The following ZNF254 variants were observed in gnomAD, a reference collection of about 807,000 sequenced individuals.
The protein encoded by ZNF254 is zinc finger protein 254.
In ZNF254, 10 loss-of-function variants were observed where a neutral mutation model predicts 12.4. The observed-to-expected ratio is 0.80, with a 90% CI of 0.50 to 1.36. The LOEUF (loss-of-function observed/expected upper bound fraction) is 1.36, where lower values mean the gene tolerates loss of function less well. ZNF254 is among the 40% of genes most tolerant of loss of function. ZNF254 has a pLI of 0.00. For synonymous variants in ZNF254, 305 were observed against 253.4 expected, an observed-to-expected ratio of 1.20 and a Z score of -1.93; for missense variants, 996 against 763.9, an observed-to-expected ratio of 1.30 and a Z score of -3.58.
chr19:24,115,117 C>G (rs1291139881), intron 3 of ZNF254, among the ~76,000 whole-genome samples: 1 of 152,122 alleles, frequency 6.6e-6, no homozygotes, highest in East Asian at 1.9e-4. Flanking sequence ...GTCAGTGTGG[C>G]GATTCCTCAG....
intron 1 of ZNF254, among the ~76,000 whole-genome samples, chr19:24,034,141 G>T (rs1969868937): frequency 6.6e-6 from 1 of 152,148 alleles, no homozygotes; most frequent in Non-Finnish European, 1.5e-5. Context: ...ATTTCTAGTA[G>T]AGAAGTGGTT....
At chr19:24,118,250 C>T (rs924567181) in intron 3 of ZNF254, among the ~76,000 whole-genome samples, 28 of 152,044 alleles carry the variant, frequency 1.8e-4, no homozygotes, top group African/African-American at 6.5e-4. Context: ...GATGGGGTTT[C>T]ACCATGTTGA....
chr19:24,050,269 C>T (rs1236078829), intron 2 of ZNF254, among the ~76,000 whole-genome samples: 5 of 152,098 alleles, frequency 3.3e-5, no homozygotes, highest in East Asian at 1.9e-4. Flanking sequence ...AAGTGATTCT[C>T]CTGCCTCAGC....
intron 1 of ZNF254, among the ~76,000 whole-genome samples, chr19:24,096,611 G>C (rs1049318253): frequency 1.3e-5 from 2 of 152,130 alleles, no homozygotes; most frequent in Non-Finnish European, 2.9e-5. Context: ...GTGCCACATG[G>C]TGATGAGAAC....
rs182445854 is a variant in ZNF254 at position 24,117,386 on chromosome 19, G to A, written c.254-8868G>A. ...CCGGCTGCTTTGTTTACCTAAGGAAGCCTGGGCAATGGCGGGTGCCCCTCC... is the reference window on the plus strand; with the variant it reads ...CCGGCTGCTTTGTTTACCTAAGGAAACCTGGGCAATGGCGGGTGCCCCTCC... On this transcript the variant is annotated intron_variant, in intron 3 of 3. Coordinates refer to ENST00000357002, the MANE Select transcript of ZNF254 (RefSeq NM_203282.4). Among the ~76,000 whole-genome samples the A allele has an allele frequency of 5.7e-3, 864 of 152,292 alleles. 10 individuals are homozygous for A. Among genetic ancestry groups the A allele is most frequent in the African/African-American group, 0.02 (831 of 41,590 alleles).
intron 2 of ZNF254, among the ~76,000 whole-genome samples, chr19:24,047,990 T>C (rs901530631): frequency 6.8e-6 from 1 of 146,760 alleles, no homozygotes; most frequent in African/African-American, 2.5e-5. Context: ...CCCGGCTCTT[T>C]TTTTCTTTTC....
intron 2 of ZNF254, among the ~76,000 whole-genome samples, chr19:24,049,751 G>T (rs1970576163): frequency 6.6e-6 from 1 of 152,070 alleles, no homozygotes; most frequent in African/African-American, 2.4e-5. Flanking sequence ...GTGACATACT[G>T]TTGGGTCCCA....
At chr19:24,060,955 T>C (rs890773490) in intron 2 of ZNF254, among the ~76,000 whole-genome samples, 1 of 152,170 alleles carries the variant, frequency 6.6e-6, no homozygotes, top group African/African-American at 2.4e-5. Flanking sequence ...TTAGGTAATT[T>C]GACTCCTGCC....
chr19:24,072,408 G>A (rs1351684715), intron 2 of ZNF254, among the ~76,000 whole-genome samples: 1 of 152,142 alleles, frequency 6.6e-6, no homozygotes, highest in East Asian at 1.9e-4. Flanking sequence ...CTGACCTCAA[G>A]CGATCTACCT....
At chr19:24,069,986 C>T (rs1255598770) in intron 2 of ZNF254, among the ~76,000 whole-genome samples, 1 of 152,112 alleles carries the variant, frequency 6.6e-6, no homozygotes, top group Non-Finnish European at 1.5e-5. Context: ...AAAATAGAGC[C>T]CACTGGTGAG....
intron 2 of ZNF254, among the ~76,000 whole-genome samples, chr19:24,047,596 CTT>C (rs386388790): frequency 1.1e-3 from 120 of 107,884 alleles, no homozygotes; most frequent in East Asian, 3.8e-3. Context: ...TTCATTCTTC[CTT>C]TTTTTTTTTT....
intron 1 of ZNF254, among the ~76,000 whole-genome samples, chr19:24,093,091 G>A (rs1972487888): frequency 6.7e-6 from 1 of 148,526 alleles, no homozygotes; most frequent in Admixed American, 6.7e-5. Context: ...CCACATGTTT[G>A]TCTTCTTTTG....
chr19:24,091,660 T>G (rs1204318485), intron 1 of ZNF254, among the ~76,000 whole-genome samples: 1 of 151,890 alleles, frequency 6.6e-6, no homozygotes, highest in Non-Finnish European at 1.5e-5. Context: ...ACCTGGCTAG[T>G]TTTTGTATTT....
chr19:24,046,665 TGA>T (rs1008331437), intron 2 of ZNF254, among the ~76,000 whole-genome samples: 16 of 152,006 alleles, frequency 1.1e-4, no homozygotes, highest in African/African-American at 3.9e-4. Flanking sequence ...TTTGTTTGCC[TGA>T]GAGTCACAAT....
intron 3 of ZNF254, among the ~76,000 whole-genome samples, chr19:24,114,164 T>C (rs1176841028): frequency 2.0e-5 from 3 of 152,024 alleles, no homozygotes; most frequent in Non-Finnish European, 2.9e-5. Context: ...CTTCAGAGAA[T>C]TGGAAAAAAC....
At chr19:24,110,497 G>T (rs571754418) in intron 3 of ZNF254, among the ~76,000 whole-genome samples, 2 of 151,972 alleles carry the variant, frequency 1.3e-5, no homozygotes, top group Non-Finnish European at 2.9e-5. Flanking sequence ...GCCTGGGATT[G>T]TGAGGCTGCA....
intron 2 of ZNF254, among the ~76,000 whole-genome samples, chr19:24,061,632 C>G (rs1490069564): frequency 6.6e-6 from 1 of 152,172 alleles, no homozygotes; most frequent in Non-Finnish European, 1.5e-5. Context: ...TATCATTTGC[C>G]CAGCATCCAG....
intron 3 of ZNF254, chr19:24,107,004 G>T (rs1400522644): frequency 2.9e-5 from 13 of 448,608 alleles, no homozygotes; most frequent in Non-Finnish European, 4.3e-5. Flanking sequence ...TTCTCTTTTT[G>T]CATCATGTCT....
Position 24,056,174 on chromosome 19 carries a change from G to T in ZNF254, c.-94+9895G>T, listed in dbSNP as rs78549658. On this transcript the variant is annotated intron_variant, in intron 2 of 4. Coordinates refer to the ZNF254 transcript ENST00000613065. ...CCTCCCCTGCCTTGGCACTGCCTACGGAAGGCGTTGGGACATGTCTCTGAG... is the reference window on the plus strand; with the variant it reads ...CCTCCCCTGCCTTGGCACTGCCTACTGAAGGCGTTGGGACATGTCTCTGAG... Among the ~76,000 whole-genome samples, 9 of 152,224 alleles carry T rather than the reference G, an allele frequency of 5.9e-5. No homozygotes were observed. The East Asian group carries it at 1.7e-3, about 29-fold the overall frequency.
Sources: allele counts gnomAD v4.1 joint callset (sites outside exome capture counted in the v4.1 genomes callset), GRCh38; gene constraint gnomAD v4.1.1; transcripts MANE v1.5; gene names NCBI Gene and HGNC (gene_info 2026-07-23, HGNC 2026-07-21).